The following LRP1B variants were observed in gnomAD, a reference collection of about 807,000 sequenced individuals.
The protein encoded by LRP1B is LDL receptor related protein 1B, also known as low-density lipoprotein receptor-related protein 1B.
Under a neutral mutation model 556.6 loss-of-function variants are expected in LRP1B, and 217 were observed. The ratio of observed to expected loss-of-function variants is 0.39; its 90% CI spans 0.35 to 0.44. LRP1B has a LOEUF of 0.44. Among genes scored for constraint, LRP1B ranks in the 20% least tolerant of loss-of-function variants. The pLI is 1.00. For synonymous variants in LRP1B, 2,047 were observed against 1,865.8 expected (o/e 1.10, Z -2.50); for missense variants, 5,053 against 5,620.8 (o/e 0.90, Z 3.23).
Position 142,081,670 on chromosome 2 carries a change from G to A in LRP1B, c.82+48978C>T, listed in dbSNP as rs367990841. Among the ~76,000 whole-genome samples the A allele has an allele frequency of 7.2e-5, 11 of 152,122 alleles. No homozygotes were observed. In the South Asian group the frequency reaches 2.3e-3, roughly 32 times the overall value. Reference sequence around the variant, plus strand: ...TATGTATTTATTATTTTAGGGACTGGTTCTCGCTATGCTGTCCAGGCTGGT... The same window carrying A: ...TATGTATTTATTATTTTAGGGACTGATTCTCGCTATGCTGTCCAGGCTGGT... On this transcript the variant is annotated intron_variant, in intron 1 of 90. Coordinates refer to ENST00000389484, the MANE Select transcript of LRP1B (RefSeq NM_018557.3).
chr2:140,291,177 C>CCTTTGCATATGCTGTTCCCT (rs981279909), intron 84 of LRP1B, among the ~76,000 whole-genome samples: 5 of 150,490 alleles, frequency 3.3e-5, no homozygotes, highest in Non-Finnish European at 7.4e-5. Context: ...AAAGGCTTTC[C>CCTTTGCATATGCTGTTCCCT]CTTTGCATAT....
At chr2:140,983,576 T>A (rs1696836047) in intron 17 of LRP1B, among the ~76,000 whole-genome samples, 1 of 152,124 alleles carries the variant, frequency 6.6e-6, no homozygotes, top group Non-Finnish European at 1.5e-5. Flanking sequence ...AAAAGATATA[T>A]ACATTGTTCT....
chr2:141,693,065 G>A lies in LRP1B; in HGVS notation c.205+117214C>T, dbSNP rs756731214. 7.9e-5 allele frequency among the ~76,000 whole-genome samples: 12 copies of A among 152,110 alleles called. No individual in the cohort carries two copies. The South Asian group carries it at 2.3e-3, about 29-fold the overall frequency. ...AGTAAAGAGCTCTTCTAAGTACAGG[G>A]AACTTTGCCACTATGCAGGTCACGC... On this transcript the variant is annotated intron_variant, in intron 2 of 90. Coordinates refer to ENST00000389484, the MANE Select transcript of LRP1B (RefSeq NM_018557.3).
At chr2:140,536,536 C>A in intron 46 of LRP1B, 45 bp downstream of exon 46, 2 of 1,571,552 alleles carry the variant, frequency 1.3e-6, no homozygotes, top group South Asian at 2.4e-5. Flanking sequence ...TGTAAAGAAT[C>A]AGAAAACTTT....
At chr2:141,891,157 T>G (rs1233233250) in intron 1 of LRP1B, among the ~76,000 whole-genome samples, 1 of 152,004 alleles carries the variant, frequency 6.6e-6, no homozygotes, top group Non-Finnish European at 1.5e-5. Flanking sequence ...TTTAAACAAC[T>G]TTTGCCAGAT....
chr2:142,097,809 A>T (rs963190942), intron 1 of LRP1B, among the ~76,000 whole-genome samples: 1 of 151,674 alleles, frequency 6.6e-6, no homozygotes, highest in Admixed American at 6.6e-5. Context: ...TGAAGCACTC[A>T]TTTTTTTAAA....
intron 20 of LRP1B, among the ~76,000 whole-genome samples, chr2:140,929,756 T>TCACACATA (rs1553562049): frequency 7.2e-6 from 1 of 139,236 alleles, no homozygotes; most frequent in Non-Finnish European, 1.5e-5. Flanking sequence ...TCATATAGAC[T>TCACACATA]CACACACACA....
chr2:140,683,575 TA>T, intron 41 of LRP1B: 3 of 680,972 alleles, frequency 4.4e-6, no homozygotes, highest in South Asian at 1.4e-5. Flanking sequence ...CAGTCTTCAT[TA>T]AAAAGATTGC....
rs773710758 is a variant in LRP1B at position 140,371,242 on chromosome 2, A to G, written c.10812T>C (p.Asp3604=). The G allele has an allele frequency of 2.3e-5, 36 of 1,597,544 alleles. No homozygotes were observed. In the South Asian group the frequency reaches 3.5e-4, roughly 16 times the overall value. The change falls in exon 70 of 91, where the codon GAT becomes GAC. Residue 3604 remains aspartate, a synonymous_variant. Coordinates refer to ENST00000389484, the MANE Select transcript of LRP1B (RefSeq NM_018557.3). ...ATTTCAAAGATGCTGAAATACATCC[A>G]TCACTGGCACATATATATTCACGTG... ...CSSREYICAS[D]GCISASLKCN... is the part of the protein sequence containing the mutation.
At chr2:141,240,853 A>C (rs1683841676) in intron 5 of LRP1B, among the ~76,000 whole-genome samples, 1 of 152,102 alleles carries the variant, frequency 6.6e-6, no homozygotes, top group Admixed American at 6.6e-5. Flanking sequence ...AATGGAAGAC[A>C]TGCTTTTTTT....
At chr2:141,581,054 A>G (rs1025703088) in intron 2 of LRP1B, among the ~76,000 whole-genome samples, 1 of 152,212 alleles carries the variant, frequency 6.6e-6, no homozygotes, top group African/African-American at 2.4e-5. Flanking sequence ...AAGTGTTTGA[A>G]AACTGATGAT....
intron 1 of LRP1B, among the ~76,000 whole-genome samples, chr2:141,906,243 T>C (rs1436027223): frequency 6.6e-6 from 1 of 151,742 alleles, no homozygotes; most frequent in Non-Finnish European, 1.5e-5. Context: ...CTCATATTCT[T>C]ATTGAAAAAC....
chr2:142,029,961 C>T (rs78876014), intron 1 of LRP1B, among the ~76,000 whole-genome samples: 5,302 of 151,574 alleles, frequency 0.035, 240 homozygotes, highest in East Asian at 0.2. Flanking sequence ...TGAACACTGA[C>T]CTTAACTTTT....
intron 31 of LRP1B, among the ~76,000 whole-genome samples, chr2:140,814,018 A>G (rs1323709493): frequency 6.6e-6 from 1 of 152,120 alleles, no homozygotes; most frequent in Non-Finnish European, 1.5e-5. Context: ...TCTGTCATTT[A>G]TACTGGAGTG....
chr2:140,298,358 A>T (rs927609831), intron 83 of LRP1B, among the ~76,000 whole-genome samples: 5 of 152,300 alleles, frequency 3.3e-5, no homozygotes, highest in African/African-American at 1.2e-4. Flanking sequence ...AACCTAAAAT[A>T]CAATTTCACA....
intron 21 of LRP1B, among the ~76,000 whole-genome samples, chr2:140,917,501 T>A (rs1694614320): frequency 6.6e-6 from 1 of 152,104 alleles, no homozygotes; most frequent in East Asian, 1.9e-4. Flanking sequence ...TGGAATATTA[T>A]TCAAAGCTTA....
At chr2:140,955,290 A>G (rs1294948260) in intron 18 of LRP1B, among the ~76,000 whole-genome samples, 1 of 151,934 alleles carries the variant, frequency 6.6e-6, no homozygotes. Flanking sequence ...TGTTAATTTA[A>G]AAGTTGAAAA....
chr2:141,329,292 G>T (rs1011134306), intron 3 of LRP1B, among the ~76,000 whole-genome samples: 1 of 150,406 alleles, frequency 6.6e-6, no homozygotes, highest in East Asian at 2.0e-4. Flanking sequence ...AGAGGCTGAG[G>T]CAGAAGAATC....
In LRP1B at chr2:140,487,727, C is replaced by G. The variant is rs1337838776; in HGVS notation, c.9133G>C (p.Val3045Leu). ...CTGTAATCAAAGTCTATAGCAATAA[C>G]ATTGTTTAATCCCTGAAAATAAAAA... Reference protein sequence around the residue: ...YTLLKQGLNNVIAIDFDYREE... With the variant: ...YTLLKQGLNNLIAIDFDYREE... The change falls in exon 58 of 91, where the codon GTT becomes CTT. Residue 3045 changes from valine to leucine, a missense_variant. Around this residue, in one of 5 missense-constraint regions of LRP1B, gnomAD observed 3,619 missense variants for 3,931.9 expected, o/e 0.92. Transcript: ENST00000389484. The G allele has an allele frequency of 6.5e-7, 1 of 1,542,266 alleles. No individual in the cohort carries two copies. Among genetic ancestry groups the G allele is most frequent in the Non-Finnish European group, 8.9e-7 (1 of 1,127,738 alleles).
Sources: allele counts gnomAD v4.1 joint callset (sites outside exome capture counted in the v4.1 genomes callset), GRCh38; gene constraint gnomAD v4.1.1; regional missense constraint gnomAD v4.1.1; transcripts MANE v1.5; gene names NCBI Gene and HGNC (gene_info 2026-07-23, HGNC 2026-07-21).